APOLD1: variants seen among roughly 807,000 people sequenced by gnomAD.
The protein encoded by APOLD1 is apolipoprotein L domain containing 1.
APOLD1 carries 22 observed loss-of-function variants against 15.3 expected under a neutral mutation model. The observed-to-expected ratio is 1.44, with a 90% CI of 1.03 to 2.05. The LOEUF (loss-of-function observed/expected upper bound fraction) is 2.05. Among genes scored for constraint, APOLD1 ranks in the 30% most tolerant of loss-of-function variants. The pLI, the probability that APOLD1 is intolerant of heterozygous loss-of-function variation, is 0.00. For synonymous variants in APOLD1, 190 were observed against 167.4 expected, an observed-to-expected ratio of 1.13 and a Z score of -1.04; for missense variants, 394 against 353.5, an observed-to-expected ratio of 1.11 and a Z score of -0.92.
Position 12,760,017 on chromosome 12 carries a change from G to T in APOLD1, c.97-26892G>T, listed in dbSNP as rs150689934. The stretch of plus-strand genomic sequence containing the variant: ...AACACCATGAAAAAAATTAAGACAA[G>T]CAACTGAATAGAAGTAGACATGTTA... On this transcript the variant is annotated intron_variant, in intron 1 of 1. Transcript: ENST00000326765. Among the ~76,000 whole-genome samples, 548 of 152,232 alleles carry T rather than the reference G, an allele frequency of 3.6e-3. 3 individuals carry two copies. The highest frequency in any genetic ancestry group is 4.3e-3 in the Non-Finnish European group (292 of 68,024).
At chr12:12,733,808 T>C (rs527734364) in intron 1 of APOLD1, among the ~76,000 whole-genome samples, 1 of 152,330 alleles carries the variant, frequency 6.6e-6, no homozygotes, top group Admixed American at 6.5e-5. Context: ...TTCTCCATGT[T>C]GGCCAGGTTG....
At chr12:12,727,396 T>G (rs1246060986) in intron 1 of APOLD1, among the ~76,000 whole-genome samples, 3 of 152,212 alleles carry the variant, frequency 2.0e-5, no homozygotes, top group Non-Finnish European at 4.4e-5. Context: ...TACTAGACAA[T>G]TTACAGATGT....
intron 1 of APOLD1, among the ~76,000 whole-genome samples, chr12:12,741,600 G>A (rs188012342): frequency 9.2e-5 from 14 of 152,272 alleles, no homozygotes; most frequent in Admixed American, 2.6e-4. Context: ...TAGGTTTTGA[G>A]TTATAGCTCC....
chr12:12,776,426 G>C (rs1344799499), intron 1 of APOLD1, among the ~76,000 whole-genome samples: 2 of 152,210 alleles, frequency 1.3e-5, no homozygotes, highest in Non-Finnish European at 2.9e-5. Context: ...GAAGATAAGA[G>C]AATCTTTATG....
At position 12,746,604 on chromosome 12, in the gene APOLD1, A is replaced by T. The variant is rs558871851; in HGVS notation, c.96+20508A>T. On this transcript the variant is annotated intron_variant, in intron 1 of 1. Coordinates refer to the APOLD1 transcript ENST00000326765. ...CTCTGATGTCTTCATAAAGAATTTT[A>T]AAAAACTATTGGAAAACATGGGAAA... Among the ~76,000 whole-genome samples, 10 of 152,214 alleles carry T rather than the reference A, an allele frequency of 6.6e-5. No homozygotes were observed. The South Asian group carries it at 1.0e-3, about 16-fold the overall frequency.
intron 1 of APOLD1, among the ~76,000 whole-genome samples, chr12:12,761,633 G>T (rs961429421): frequency 2.9e-4 from 44 of 151,806 alleles, no homozygotes; most frequent in Admixed American, 6.6e-4. Flanking sequence ...TAATTCAGTT[G>T]AAAATATGAT....
intron 1 of APOLD1, among the ~76,000 whole-genome samples, chr12:12,732,186 G>A (rs1045980808): frequency 4.6e-5 from 7 of 152,098 alleles, no homozygotes; most frequent in African/African-American, 1.7e-4. Flanking sequence ...AACATAAATT[G>A]TCTAATTAGT....
chr12:12,770,337 A>G (rs1250283037), intron 1 of APOLD1, among the ~76,000 whole-genome samples: 4 of 152,156 alleles, frequency 2.6e-5, no homozygotes, highest in Non-Finnish European at 5.9e-5. Flanking sequence ...CCCAGGAGGC[A>G]GAGGTTGCAC....
chr12:12,733,545 A>G (rs766152157), intron 1 of APOLD1, among the ~76,000 whole-genome samples: 4 of 152,238 alleles, frequency 2.6e-5, no homozygotes, highest in Non-Finnish European at 5.9e-5. Context: ...ACATTTATGT[A>G]CTGTTTGCAT....
chr12:12,772,933 G>T (rs1947000013), intron 1 of APOLD1, among the ~76,000 whole-genome samples: 1 of 152,078 alleles, frequency 6.6e-6, no homozygotes, highest in South Asian at 2.1e-4. Context: ...AAATGAAAAT[G>T]AAAGCCAGGC....
intron 1 of APOLD1, among the ~76,000 whole-genome samples, chr12:12,741,062 A>G (rs560391348): frequency 6.6e-6 from 1 of 152,238 alleles, no homozygotes; most frequent in East Asian, 1.9e-4. Context: ...ACCTTTTGTA[A>G]CTTTTTTGTA....
chr12:12,779,924 CTT>C (rs1433146415), intron 1 of APOLD1, among the ~76,000 whole-genome samples: 2 of 151,850 alleles, frequency 1.3e-5, no homozygotes, highest in East Asian at 1.9e-4. Flanking sequence ...CTTGTTGAGT[CTT>C]TATTTTCCTG....
chr12:12,749,115 G>T (rs1451378201), intron 1 of APOLD1, among the ~76,000 whole-genome samples: 7 of 152,062 alleles, frequency 4.6e-5, no homozygotes, highest in Non-Finnish European at 5.9e-5. Flanking sequence ...TGAGGCTGCA[G>T]TCTCTGCAAC....
chr12:12,758,343 G>A (rs1226851296), intron 1 of APOLD1, among the ~76,000 whole-genome samples: 11 of 152,020 alleles, frequency 7.2e-5, no homozygotes, highest in South Asian at 4.2e-4. Context: ...TCAGGAGTTC[G>A]AGACCAGCCT....
intron 1 of APOLD1, among the ~76,000 whole-genome samples, chr12:12,776,297 CA>C (rs1947033195): frequency 1.3e-5 from 2 of 152,100 alleles, no homozygotes; most frequent in Non-Finnish European, 2.9e-5. Flanking sequence ...TCTGTAGATA[CA>C]AAACAAGCAG....
At chr12:12,760,163 C>T (rs1310740371) in intron 1 of APOLD1, among the ~76,000 whole-genome samples, 1 of 151,982 alleles carries the variant, frequency 6.6e-6, no homozygotes, top group Non-Finnish European at 1.5e-5. Flanking sequence ...ATGACGAAAC[C>T]CCCTCTTTAC....
chr12:12,750,773 CTTTT>C (rs959596856), intron 1 of APOLD1, among the ~76,000 whole-genome samples: 1 of 150,894 alleles, frequency 6.6e-6, no homozygotes, highest in Non-Finnish European at 1.5e-5. Context: ...GTCACTGAAC[CTTTT>C]TTTTTTGTTT....
At chr12:12,755,239 T>C (rs1236952680) in intron 1 of APOLD1, among the ~76,000 whole-genome samples, 1 of 152,128 alleles carries the variant, frequency 6.6e-6, no homozygotes, top group Non-Finnish European at 1.5e-5. Context: ...GCTGGGACAA[T>C]TCGTTATATA....
In APOLD1 at chr12:12,735,291, A is replaced by G. The variant is rs539661276; in HGVS notation, c.96+9195A>G. Reference sequence around the variant, plus strand: ...CCCCTCACCTGCAGTGCCTTCCCCTATGTTCCAGTGGCTGCCTGTAGGATG... The same window carrying G: ...CCCCTCACCTGCAGTGCCTTCCCCTGTGTTCCAGTGGCTGCCTGTAGGATG... On this transcript the variant is annotated intron_variant, in intron 1 of 1. Coordinates refer to the APOLD1 transcript ENST00000326765. 7.2e-5 allele frequency among the ~76,000 whole-genome samples: 11 copies of G among 152,094 alleles called. No individual in the cohort carries two copies. The South Asian group carries it at 2.1e-3, about 29-fold the overall frequency.
Sources: gnomAD v4.1 joint callset for allele counts (sites outside exome capture counted in the v4.1 genomes callset) on GRCh38, gnomAD v4.1.1 for gene constraint, MANE v1.5 for transcripts, NCBI Gene and HGNC (gene_info 2026-07-23, HGNC 2026-07-21) for gene names.